DENND1A: variants seen among roughly 807,000 people sequenced by gnomAD.
The protein encoded by DENND1A is DENN domain containing 1A.
DENND1A carries 51 observed loss-of-function variants against 113.7 expected under a neutral mutation model. The ratio of observed to expected loss-of-function variants is 0.45; its 90% CI spans 0.36 to 0.57. DENND1A has a LOEUF of 0.57. Ranked by LOEUF, DENND1A falls within the 20% of genes least tolerant of loss-of-function variation. The pLI is 0.00. For missense variants in DENND1A, 1,258 were observed against 1,395.9 expected (o/e 0.90, Z 1.57); for synonymous variants, 565 against 570.8 (o/e 0.99, Z 0.14).
At chr9:123,469,309 G>A (rs1407552077) in intron 13 of DENND1A, among the ~76,000 whole-genome samples, 1 of 152,240 alleles carries the variant, frequency 6.6e-6, no homozygotes, top group African/African-American at 2.4e-5. Context: ...TTAAGTTAGG[G>A]GAAATGTGGG....
At chr9:123,486,235 C>G (rs973846543) in intron 13 of DENND1A, among the ~76,000 whole-genome samples, 1 of 152,120 alleles carries the variant, frequency 6.6e-6, no homozygotes, top group Admixed American at 6.5e-5. Flanking sequence ...GGCAAGTGGG[C>G]AGGTAAATCC....
rs546753241 is a variant in DENND1A, at chr9:123,848,062, A to G, written c.88+30889T>C. ...TAAAATACACAACAATAAAAACCAT[A>G]TAAACAAGGAGGGGAATGATTAAAG... On this transcript the variant is annotated intron_variant, in intron 2 of 23. Transcript: ENST00000394215. 1.3e-4 allele frequency among the ~76,000 whole-genome samples: 20 copies of G among 152,310 alleles called. No individual in the cohort carries two copies. The East Asian group carries it at 3.9e-3, about 29-fold the overall frequency.
At chr9:123,864,322 C>T (rs757766524) in intron 2 of DENND1A, among the ~76,000 whole-genome samples, 1 of 152,172 alleles carries the variant, frequency 6.6e-6, no homozygotes, top group Non-Finnish European at 1.5e-5. Context: ...AAGTCCAAAG[C>T]TCTTCCTGCT....
rs2042320939 is a variant in DENND1A, at chr9:123,382,368, G to A, written c.2277C>T (p.Thr759=). ...EVPTPTLGSI[T]IPRPQGRKTP... ...TCTTCCTGCCTTGGGGCCGGGGGAT[G>A]GTGATGCTGCCCAGAGTAGGGGTGG... Residue 759 remains threonine (T), a synonymous_variant, in exon 24 of 24, where the codon ACC becomes ACT. Transcript: ENST00000394215. The A allele has an allele frequency of 1.3e-6, 2 of 1,599,768 alleles. No homozygotes were observed. The highest frequency in any genetic ancestry group is 1.7e-5 in the Admixed American group (1 of 59,192).
chr9:123,838,628 C>T (rs1321266692), intron 2 of DENND1A, among the ~76,000 whole-genome samples: 1 of 152,160 alleles, frequency 6.6e-6, no homozygotes. Context: ...CCTTAAATTG[C>T]ATTAGATATG....
rs568443847 is a variant in DENND1A at position 123,797,993 on chromosome 9, G to A, written c.89-5363C>T. Among the ~76,000 whole-genome samples, 10 of 152,032 alleles carry A rather than the reference G, an allele frequency of 6.6e-5. No individual in the cohort carries two copies. The East Asian group carries it at 1.5e-3, about 23-fold the overall frequency. ...AAATGAACATTTATTTGGATTCCAC[G>A]TACAAATGAAATTTGTTATTTAAAA... On this transcript the variant is annotated intron_variant, in intron 2 of 23. Coordinates refer to ENST00000394215, the MANE Select transcript of DENND1A (RefSeq NM_001352964.2).
intron 5 of DENND1A, among the ~76,000 whole-genome samples, chr9:123,684,541 A>T (rs913650414): frequency 2.0e-5 from 3 of 152,164 alleles, no homozygotes; most frequent in Non-Finnish European, 2.9e-5. Flanking sequence ...GAAATCACTC[A>T]TGTGTGCTGG....
chr9:123,531,916 C>T lies in DENND1A; in HGVS notation c.993+25654G>A, dbSNP rs1003535829. 8.5e-5 allele frequency among the ~76,000 whole-genome samples: 13 copies of T among 152,140 alleles called. No individual in the cohort carries two copies. In the South Asian group the frequency reaches 2.5e-3, roughly 29 times the overall value. ...AGCTTGTGAGTATATGGTGAAGTGGCGAGAAGAGGACAGAAAATCATAGCA... is the reference window on the plus strand; with the variant it reads ...AGCTTGTGAGTATATGGTGAAGTGGTGAGAAGAGGACAGAAAATCATAGCA... On this transcript the variant is annotated intron_variant, in intron 13 of 23. Coordinates refer to ENST00000394215, the MANE Select transcript of DENND1A (RefSeq NM_001352964.2).
chr9:123,397,193 T>C (rs2043179454), intron 21 of DENND1A, among the ~76,000 whole-genome samples: 1 of 152,204 alleles, frequency 6.6e-6, no homozygotes, highest in African/African-American at 2.4e-5. Context: ...CTCACTCTGT[T>C]GCCCAGGCTG....
At chr9:123,418,899 C>A (rs1428687667) in intron 19 of DENND1A, among the ~76,000 whole-genome samples, 2 of 152,204 alleles carry the variant, frequency 1.3e-5, no homozygotes, top group Non-Finnish European at 2.9e-5. Context: ...GATGTTTGTG[C>A]ATGGGGCAGA....
intron 19 of DENND1A, among the ~76,000 whole-genome samples, chr9:123,432,768 C>T (rs1420702541): frequency 6.6e-6 from 1 of 152,228 alleles, no homozygotes; most frequent in African/African-American, 2.4e-5. Context: ...ACCTTCTGCC[C>T]CAACCTGCCC....
At chr9:123,393,277 T>A (rs1398339730) in intron 21 of DENND1A, among the ~76,000 whole-genome samples, 1 of 152,196 alleles carries the variant, frequency 6.6e-6, no homozygotes, top group Non-Finnish European at 1.5e-5. Flanking sequence ...CTGTATCCTG[T>A]GCAGGGTCTT....
chr9:123,929,060 G>A (rs1488517236), intron 1 of DENND1A, among the ~76,000 whole-genome samples: 2 of 152,142 alleles, frequency 1.3e-5, no homozygotes, highest in African/African-American at 2.4e-5. Context: ...AGATAGAGTC[G>A]AAAGCCACAC....
intron 4 of DENND1A, among the ~76,000 whole-genome samples, chr9:123,766,768 C>A (rs1828888107): frequency 6.6e-6 from 1 of 152,192 alleles, no homozygotes; most frequent in Admixed American, 6.5e-5. Context: ...TGAGGAAGCA[C>A]ATTCTTTTGA....
intron 13 of DENND1A, among the ~76,000 whole-genome samples, chr9:123,490,450 G>A (rs1007676153): frequency 5.3e-5 from 8 of 151,998 alleles, no homozygotes; most frequent in East Asian, 3.9e-4. Flanking sequence ...TTAGCCAGGC[G>A]TGGTGGGGGG....
intron 13 of DENND1A, among the ~76,000 whole-genome samples, chr9:123,522,882 CT>C (rs1413855233): frequency 6.6e-6 from 1 of 152,192 alleles, no homozygotes; most frequent in Non-Finnish European, 1.5e-5. Context: ...AGCAGATTTG[CT>C]TTTGATAAGT....
At chr9:123,739,786 A>G (rs1277451138) in intron 5 of DENND1A, among the ~76,000 whole-genome samples, 2 of 152,190 alleles carry the variant, frequency 1.3e-5, no homozygotes, top group Admixed American at 6.6e-5. Flanking sequence ...AAAAGATGAC[A>G]TACTCTCATC....
intron 21 of DENND1A, among the ~76,000 whole-genome samples, chr9:123,388,825 G>C (rs760482841): frequency 1.8e-4 from 27 of 152,322 alleles, no homozygotes; most frequent in Non-Finnish European, 3.7e-4. Context: ...CCTTGTGCTG[G>C]GGAGTAGGTG....
chr9:123,812,816 G>C (rs887309909), intron 2 of DENND1A, among the ~76,000 whole-genome samples: 19 of 151,746 alleles, frequency 1.3e-4, no homozygotes, highest in African/African-American at 4.4e-4. Context: ...ATGTATTCTG[G>C]ATCCTAAGCC....
Sources: gnomAD v4.1 joint callset for allele counts (sites outside exome capture counted in the v4.1 genomes callset) on GRCh38, gnomAD v4.1.1 for gene constraint, MANE v1.5 for transcripts, NCBI Gene and HGNC (gene_info 2026-07-23, HGNC 2026-07-21) for gene names.